The following HCN1 variants were observed in gnomAD, a reference collection of about 807,000 sequenced individuals.
The protein encoded by HCN1 is potassium/sodium hyperpolarization-activated cyclic nucleotide-gated channel 1.
HCN1 carries 13 observed loss-of-function variants against 78.9 expected under a neutral mutation model. The ratio of observed to expected loss-of-function variants is 0.16; its 90% CI spans 0.11 to 0.26. The LOEUF is 0.26. HCN1 is among the 10% of genes least tolerant of loss of function. The probability of loss-of-function intolerance (pLI) is 1.00; values close to 1 mark genes in which losing one functional copy is unlikely to be tolerated. For synonymous variants in HCN1, 552 were observed against 455.5 expected, an observed-to-expected ratio of 1.21 and a Z score of -2.70; for missense variants, 810 against 1,154.3, an observed-to-expected ratio of 0.70 and a Z score of 4.32.
intron 2 of HCN1, among the ~76,000 whole-genome samples, chr5:45,609,658 GTC>G (rs1245575763): frequency 1.3e-5 from 2 of 152,086 alleles, no homozygotes; most frequent in Non-Finnish European, 2.9e-5. Flanking sequence ...CCATGATGGA[GTC>G]TCTGTGCCAT....
intron 5 of HCN1, among the ~76,000 whole-genome samples, chr5:45,323,646 T>G (rs1245814912): frequency 6.6e-6 from 1 of 152,036 alleles, no homozygotes; most frequent in Non-Finnish European, 1.5e-5. Flanking sequence ...ACATGTGCCA[T>G]GTTGCTGTGC....
chr5:45,285,452 C>G (rs1240702066), intron 6 of HCN1, among the ~76,000 whole-genome samples: 1 of 151,886 alleles, frequency 6.6e-6, no homozygotes, highest in African/African-American at 2.4e-5. Context: ...TAGGTGTATT[C>G]TTAGGTATTT....
intron 2 of HCN1, among the ~76,000 whole-genome samples, chr5:45,627,706 G>T (rs980915663): frequency 1.3e-5 from 2 of 152,028 alleles, no homozygotes; most frequent in African/African-American, 4.8e-5. Context: ...CCCATTTCAG[G>T]GTAGAGTCAA....
chr5:45,556,790 A>G (rs953417833), intron 2 of HCN1, among the ~76,000 whole-genome samples: 3 of 151,706 alleles, frequency 2.0e-5, no homozygotes, highest in African/African-American at 7.3e-5. Context: ...TCTCCCATCA[A>G]TTCTTATTCT....
At chr5:45,658,039 C>T (rs1273090335) in intron 1 of HCN1, among the ~76,000 whole-genome samples, 1 of 152,116 alleles carries the variant, frequency 6.6e-6, no homozygotes, top group African/African-American at 2.4e-5. Context: ...GGTACCAAAA[C>T]AGATAGATCA....
intron 3 of HCN1, among the ~76,000 whole-genome samples, chr5:45,441,664 A>G (rs1476933506): frequency 1.3e-5 from 2 of 152,222 alleles, no homozygotes; most frequent in Non-Finnish European, 2.9e-5. Context: ...TGGATTAAGA[A>G]ATTAAAATAA....
intron 2 of HCN1, among the ~76,000 whole-genome samples, chr5:45,475,557 T>C (rs191841192): frequency 6.6e-6 from 1 of 152,226 alleles, no homozygotes; most frequent in African/African-American, 2.4e-5. Flanking sequence ...ATTGCCATGA[T>C]TTAACTTAAT....
intron 2 of HCN1, among the ~76,000 whole-genome samples, chr5:45,613,039 A>AC (rs1216080450): frequency 6.6e-6 from 1 of 152,030 alleles, no homozygotes; most frequent in Non-Finnish European, 1.5e-5. Flanking sequence ...GTTTTAGGGT[A>AC]CATGTGCACA....
intron 6 of HCN1, among the ~76,000 whole-genome samples, chr5:45,287,087 G>A (rs1396232163): frequency 6.6e-6 from 1 of 151,128 alleles, no homozygotes; most frequent in Non-Finnish European, 1.5e-5. Context: ...ATGCGTGTGT[G>A]TGTGTGTGTG....
At chr5:45,489,925 C>T (rs748969076) in intron 2 of HCN1, among the ~76,000 whole-genome samples, 2 of 152,130 alleles carry the variant, frequency 1.3e-5, no homozygotes, top group African/African-American at 2.4e-5. Context: ...AAATATAGTT[C>T]ATTCAATTAG....
intron 2 of HCN1, among the ~76,000 whole-genome samples, chr5:45,623,268 TATTC>T (rs1427498986): frequency 6.6e-6 from 1 of 152,174 alleles, no homozygotes; most frequent in African/African-American, 2.4e-5. Context: ...ACTCAGTAAA[TATTC>T]ATTGCTGAAT....
chr5:45,286,772 A>G (rs1579780475), intron 6 of HCN1, among the ~76,000 whole-genome samples: 1 of 152,062 alleles, frequency 6.6e-6, no homozygotes, highest in Non-Finnish European at 1.5e-5. Context: ...AACATATGGT[A>G]TGAGGTACAA....
intron 2 of HCN1, among the ~76,000 whole-genome samples, chr5:45,483,719 C>T (rs1741703883): frequency 1.3e-5 from 2 of 151,874 alleles, no homozygotes; most frequent in Admixed American, 6.6e-5. Context: ...AGAGTACTTC[C>T]TAGGTTTTCT....
At chr5:45,543,767 A>C in intron 2 of HCN1, among the ~76,000 whole-genome samples, 1 of 152,122 alleles carries the variant, frequency 6.6e-6, no homozygotes, top group East Asian at 1.9e-4. Flanking sequence ...AACATGTAAA[A>C]GTCCTTCTAT....
chr5:45,372,924 G>A lies in HCN1; in HGVS notation c.1231-19678C>T, dbSNP rs1747450665. Among the ~76,000 whole-genome samples the A allele has an allele frequency of 2.2e-5, 3 of 135,288 alleles. No individual in the cohort carries two copies. The South Asian group carries it at 6.9e-4, about 31-fold the overall frequency. 88.8% of individuals were successfully genotyped at this position (135,288 alleles called of 152,430 possible). Reference sequence around the variant, plus strand: ...GTATTCTATACATAAAAATATACACGTATTTTATACATAAAAATATATAAG... The same window carrying A: ...GTATTCTATACATAAAAATATACACATATTTTATACATAAAAATATATAAG... On this transcript the variant is annotated intron_variant, in intron 4 of 7. Coordinates refer to ENST00000303230, the MANE Select transcript of HCN1 (RefSeq NM_021072.4).
intron 3 of HCN1, among the ~76,000 whole-genome samples, chr5:45,408,253 T>G (rs1461490684): frequency 6.6e-6 from 1 of 152,208 alleles, no homozygotes; most frequent in Admixed American, 6.5e-5. Flanking sequence ...AGTAATGTCC[T>G]AGGCCTTCAC....
intron 5 of HCN1, among the ~76,000 whole-genome samples, chr5:45,351,927 C>T (rs908446707): frequency 2.8e-4 from 42 of 152,042 alleles, no homozygotes; most frequent in South Asian, 4.1e-4. Context: ...ACACTGTTGG[C>T]GGGACTGTAA....
chr5:45,335,935 G>A (rs1746444970), intron 5 of HCN1, among the ~76,000 whole-genome samples: 1 of 152,062 alleles, frequency 6.6e-6, no homozygotes, highest in Admixed American at 6.6e-5. Context: ...TGGTAATCGT[G>A]ATGTGAAATA....
chr5:45,344,654 G>A (rs1031366709), intron 5 of HCN1, among the ~76,000 whole-genome samples: 1 of 152,210 alleles, frequency 6.6e-6, no homozygotes, highest in African/African-American at 2.4e-5. Context: ...AAATCTTAAA[G>A]CTCCAAAATG....
Sources: gnomAD v4.1 joint callset for allele counts (sites outside exome capture counted in the v4.1 genomes callset) on GRCh38, gnomAD v4.1.1 for gene constraint, MANE v1.5 for transcripts, NCBI Gene and HGNC (gene_info 2026-07-23, HGNC 2026-07-21) for gene names.